The following PCDHGA2 variants were observed in gnomAD, a reference collection of about 807,000 sequenced individuals.
The protein encoded by PCDHGA2 is protocadherin gamma-A2.
In PCDHGA2, 40 loss-of-function variants were observed where a neutral mutation model predicts 59.2. The ratio of observed to expected loss-of-function variants is 0.68; its 90% CI spans 0.52 to 0.88. PCDHGA2 has a LOEUF of 0.88. Ranked by LOEUF, PCDHGA2 falls within the 40% of genes least tolerant of loss-of-function variation. The pLI is 0.00. For synonymous variants in PCDHGA2, 560 were observed against 526.0 expected (o/e 1.06, Z -0.89); for missense variants, 1,226 against 1,204.0 (o/e 1.02, Z -0.27).
At chr5:141,447,178 C>T (rs1258561542) in intron 1 of PCDHGA2, among the ~76,000 whole-genome samples, 2 of 152,094 alleles carry the variant, frequency 1.3e-5, no homozygotes, top group Middle Eastern at 3.4e-3. Context: ...TTGCTCTTGT[C>T]GCGCAGGCTG....
chr5:141,377,234 A>G (rs930126053), intron 1 of PCDHGA2: 14 of 152,160 alleles, frequency 9.2e-5, no homozygotes, highest in African/African-American at 3.1e-4. Flanking sequence ...TTTTCCTACT[A>G]TGTGACATTT....
chr5:141,351,783 G>A, intron 1 of PCDHGA2: 2 of 1,613,452 alleles, frequency 1.2e-6, no homozygotes, highest in Non-Finnish European at 8.5e-7. Context: ...CCGCAGAGCG[G>A]GGTGGTGTTC....
intron 1 of PCDHGA2, among the ~76,000 whole-genome samples, chr5:141,463,124 T>C (rs2099053100): frequency 6.6e-6 from 1 of 152,174 alleles, no homozygotes; most frequent in African/African-American, 2.4e-5. Context: ...AATAGCTCCC[T>C]GGCAGTTCTT....
rs2099696598 is a variant in PCDHGA2, at chr5:141,490,144, A to C, written c.2425-4663A>C. The C allele has an allele frequency of 2.5e-6, 4 of 1,614,214 alleles. No homozygotes were observed. In the East Asian group the frequency reaches 6.7e-5, roughly 27 times the overall value. ...TGGCCTAGACCCTAGCAGTGGGGCA[A>C]TCCATGTGTTGGGTCCCATAGACTT... On this transcript the variant is annotated intron_variant, in intron 1 of 3. Transcript: ENST00000394576. The surrounding 1 kb of genome is among the most constrained non-coding windows in gnomAD (Gnocchi z 5.4).
intron 1 of PCDHGA2, chr5:141,408,971 C>A: frequency 6.2e-7 from 1 of 1,613,816 alleles, no homozygotes; most frequent in Non-Finnish European, 8.5e-7. Context: ...AAATCTGCCC[C>A]CTGGGTCCCC....
intron 1 of PCDHGA2, among the ~76,000 whole-genome samples, chr5:141,458,821 C>T (rs1220034390): frequency 6.6e-6 from 1 of 152,146 alleles, no homozygotes; most frequent in Non-Finnish European, 1.5e-5. Flanking sequence ...CAACCTCTGC[C>T]TCCCAGGCTC....
intron 1 of PCDHGA2, chr5:141,372,265 G>C: frequency 1.5e-5 from 25 of 1,613,132 alleles, no homozygotes; most frequent in Non-Finnish European, 2.1e-5. Flanking sequence ...CTGCGCACGG[G>C]TGAGGTGCGC....
intron 1 of PCDHGA2, chr5:141,427,729 A>G (rs1176707357): frequency 8.5e-7 from 1 of 1,170,166 alleles, no homozygotes; most frequent in African/African-American, 1.5e-5. Context: ...CTAGGGCTGA[A>G]TGGCCAAGTC....
intron 1 of PCDHGA2, chr5:141,402,858 G>A: frequency 1.4e-6 from 2 of 1,427,466 alleles, no homozygotes; most frequent in Admixed American, 2.9e-5. Context: ...TTTCTTCTAA[G>A]GAAAAGATCA....
chr5:141,478,767 C>T (rs953695562), intron 1 of PCDHGA2: 44 of 1,500,650 alleles, frequency 2.9e-5, no homozygotes, highest in Non-Finnish European at 3.9e-5. Context: ...ATACTTGACT[C>T]ATCTGTGGAC....
intron 1 of PCDHGA2, chr5:141,393,109 G>C (rs2092681202): frequency 1.2e-6 from 2 of 1,613,430 alleles, no homozygotes; most frequent in Non-Finnish European, 1.7e-6. Context: ...TGCGCTCAGA[G>C]CCCGCGGTGT....
chr5:141,397,205 AAG>A (rs896486095), intron 1 of PCDHGA2, among the ~76,000 whole-genome samples: 76 of 152,336 alleles, frequency 5.0e-4, no homozygotes, highest in African/African-American at 1.8e-3. Context: ...GATATGACAT[AAG>A]AGAAGTATTT....
Position 141,338,835 on chromosome 5 carries a change from A to G in PCDHGA2, c.-137A>G. 1.4e-6 allele frequency: 2 copies of G among 1,393,272 alleles called. No homozygotes were observed. The highest frequency in any genetic ancestry group is 9.3e-7 in the Non-Finnish European group (1 of 1,077,420). 86.3% of individuals were successfully genotyped at this position (1,393,272 alleles called of 1,614,324 possible). A position where few individuals can be genotyped will look rare whatever the true frequency, so the allele number is the denominator to read the frequency against. ...AAGCTTCAGGACACCAAAGAAATTCAGTCGAACAGCCCACCAGTTCTCTCC... is the reference window on the plus strand; with the variant it reads ...AAGCTTCAGGACACCAAAGAAATTCGGTCGAACAGCCCACCAGTTCTCTCC... On this transcript the variant is annotated 5_prime_UTR_variant, in exon 1 of 4. Coordinates refer to ENST00000394576, the MANE Select transcript of PCDHGA2 (RefSeq NM_018915.4).
intron 1 of PCDHGA2, chr5:141,411,909 A>T (rs1176626028): frequency 6.6e-6 from 1 of 152,204 alleles, no homozygotes; most frequent in Non-Finnish European, 1.5e-5. Flanking sequence ...TTGCCTTTGC[A>T]CTCAGTCTCT....
intron 1 of PCDHGA2, chr5:141,414,747 C>T (rs556012378): frequency 6.2e-7 from 1 of 1,614,214 alleles, no homozygotes; most frequent in African/African-American, 1.3e-5. Flanking sequence ...TCAGATCCTT[C>T]GACTATGAGC....
chr5:141,361,632 G>A, intron 1 of PCDHGA2: 2 of 1,613,910 alleles, frequency 1.2e-6, no homozygotes, highest in Non-Finnish European at 1.7e-6. Context: ...TGAAGCCGCG[G>A]GAGATTTTAT....
chr5:141,496,981 T>A (rs928774783), intron 2 of PCDHGA2, among the ~76,000 whole-genome samples: 1 of 150,304 alleles, frequency 6.7e-6, no homozygotes, highest in African/African-American at 2.5e-5. Context: ...AGGTCAGGGG[T>A]TTGAGACCAG....
At chr5:141,502,019 G>A (rs1454981730) in intron 2 of PCDHGA2, among the ~76,000 whole-genome samples, 1 of 152,008 alleles carries the variant, frequency 6.6e-6, no homozygotes, top group African/African-American at 2.4e-5. Flanking sequence ...TCTCCTCCCT[G>A]CAACCCCCGC....
Position 141,477,650 on chromosome 5 carries a change from A to C in PCDHGA2, c.2425-17157A>C. The C allele has an allele frequency of 6.2e-7, 1 of 1,614,210 alleles. No homozygotes were observed. Among genetic ancestry groups the C allele is most frequent in the Non-Finnish European group, 8.5e-7 (1 of 1,180,036 alleles). On this transcript the variant is annotated intron_variant, in intron 1 of 3. Coordinates refer to ENST00000394576, the MANE Select transcript of PCDHGA2 (RefSeq NM_018915.4). The surrounding 1 kb of genome is among the most constrained non-coding windows in gnomAD (Gnocchi z 4.9). The stretch of plus-strand genomic sequence containing the variant: ...CGGGCTAGTGGGTCGCTATTTCACA[A>C]TAAATCGTGACAATGGCATAGTGTC...
Sources: gnomAD v4.1 joint callset for allele counts (sites outside exome capture counted in the v4.1 genomes callset) on GRCh38, gnomAD v4.1.1 for gene constraint, Gnocchi (gnomAD v3.1) non-coding constraint, MANE v1.5 for transcripts, NCBI Gene and HGNC (gene_info 2026-07-23, HGNC 2026-07-21) for gene names.